The following KCTD1 variants were observed in gnomAD, a reference collection of about 807,000 sequenced individuals.
KCTD1 encodes the protein potassium channel tetramerization domain containing 1.
KCTD1 carries 24 observed loss-of-function variants against 66.0 expected under a neutral mutation model. The ratio of observed to expected loss-of-function variants is 0.36; its 90% CI spans 0.26 to 0.51. The LOEUF is 0.51. Among genes scored for constraint, KCTD1 ranks in the 20% least tolerant of loss-of-function variants. The pLI is 0.95. For missense variants in KCTD1, 943 were observed against 1,205.2 expected (o/e 0.78, Z 3.22); for synonymous variants, 511 against 517.2 (o/e 0.99, Z 0.16).
At chr18:26,610,127 T>C (rs2144990329) in intron 1 of KCTD1, among the ~76,000 whole-genome samples, 2 of 152,362 alleles carry the variant, frequency 1.3e-5, no homozygotes, top group Middle Eastern at 6.8e-3. Flanking sequence ...TCTGTCCCTA[T>C]CTATCTTGTA....
intron 1 of KCTD1, among the ~76,000 whole-genome samples, chr18:26,577,731 T>G (rs112355111): frequency 0.028 from 4,207 of 151,904 alleles, 87 homozygotes; most frequent in African/African-American, 0.069. Context: ...TAGTGTTTTT[T>G]TTTGTTTGTT....
intron 1 of KCTD1, among the ~76,000 whole-genome samples, chr18:26,537,448 T>C (rs1185340953): frequency 6.6e-6 from 1 of 152,228 alleles, no homozygotes; most frequent in African/African-American, 2.4e-5. Context: ...AATAAATCCC[T>C]GCACTGTCAC....
intron 1 of KCTD1, among the ~76,000 whole-genome samples, chr18:26,596,038 CTT>C (rs980291374): frequency 1.1e-4 from 17 of 152,284 alleles, no homozygotes; most frequent in African/African-American, 4.1e-4. Context: ...CAGTGTGAGA[CTT>C]TGTCTCAAAA....
intron 1 of KCTD1, among the ~76,000 whole-genome samples, chr18:26,653,084 A>G (rs932665603): frequency 6.6e-6 from 1 of 152,152 alleles, no homozygotes; most frequent in African/African-American, 2.4e-5. Context: ...TCCAAGGGCT[A>G]TGCTTCATCC....
chr18:26,601,326 T>TAAAAA (rs61521451), intron 1 of KCTD1, among the ~76,000 whole-genome samples: 1,755 of 93,128 alleles, frequency 0.019, 54 homozygotes, highest in African/African-American at 0.022. Context: ...TGTTCATTGG[T>TAAAAA]AAAAAAAAAA....
At chr18:26,544,527 C>A (rs976105294) in intron 1 of KCTD1, 2 of 152,162 alleles carry the variant, frequency 1.3e-5, no homozygotes, top group African/African-American at 2.4e-5. Context: ...CAGTATTAGG[C>A]TAGAGAGCCT....
chr18:26,578,599 C>T (rs1156713703), intron 1 of KCTD1, among the ~76,000 whole-genome samples: 1 of 152,134 alleles, frequency 6.6e-6, no homozygotes, highest in African/African-American at 2.4e-5. Flanking sequence ...TTGGCCATAC[C>T]TGTGGATTCT....
intron 1 of KCTD1, among the ~76,000 whole-genome samples, chr18:26,524,907 G>C (rs376047653): frequency 6.6e-6 from 1 of 152,138 alleles, no homozygotes; most frequent in South Asian, 2.1e-4. Context: ...TTAGAGGCAC[G>C]ACTTTTAGTT....
chr18:26,533,867 G>A (rs557433093), intron 1 of KCTD1, among the ~76,000 whole-genome samples: 9 of 147,654 alleles, frequency 6.1e-5, no homozygotes, highest in South Asian at 2.1e-4. Flanking sequence ...TGGAATTTGC[G>A]ATTTATCATC....
upstream of KCTD1, chr18:26,548,974 T>C (rs1168332493): frequency 4.1e-6 from 4 of 985,070 alleles, no homozygotes; most frequent in Admixed American, 6.2e-5. Flanking sequence ...CTCTAAGTAA[T>C]GCCCGAGGAG....
intron 1 of KCTD1, among the ~76,000 whole-genome samples, chr18:26,638,363 T>C (rs1987766459): frequency 6.6e-6 from 1 of 152,110 alleles, no homozygotes; most frequent in East Asian, 1.9e-4. Flanking sequence ...AGTCTTAAAA[T>C]ACAACTGCAA....
At chr18:26,647,833 T>G (rs939492873) in intron 1 of KCTD1, among the ~76,000 whole-genome samples, 22 of 151,450 alleles carry the variant, frequency 1.5e-4, no homozygotes, top group East Asian at 1.4e-3. Context: ...TAGATCTTTT[T>G]TTTTGTTTTG....
chr18:26,465,377 C>CCCGGCCCATTCTTTCT (rs1202432455), intron 3 of KCTD1, among the ~76,000 whole-genome samples: 1 of 152,228 alleles, frequency 6.6e-6, no homozygotes, highest in Non-Finnish European at 1.5e-5. Context: ...AGCCACCGTG[C>CCCGGCCCATTCTTTCT]CCGGCCCATT....
At chr18:26,469,444 G>A (rs1184310815) in intron 3 of KCTD1, among the ~76,000 whole-genome samples, 1 of 152,152 alleles carries the variant, frequency 6.6e-6, no homozygotes, top group Non-Finnish European at 1.5e-5. Context: ...TGCCTGCTAT[G>A]TAGGTTTATG....
At chr18:26,458,496 C>A (rs1015102874) in intron 4 of KCTD1, 1 of 152,156 alleles carries the variant, frequency 6.6e-6, no homozygotes, top group African/African-American at 2.4e-5. Context: ...GAATCGAGAC[C>A]CAGGTGTGCC....
intron 1 of KCTD1, chr18:26,544,139 A>G (rs1381746330): frequency 2.6e-5 from 4 of 152,206 alleles, no homozygotes; most frequent in Non-Finnish European, 4.4e-5. Context: ...AAGGGAACTA[A>G]AACTACACTT....
At chr18:26,603,194 C>A (rs1986936119) in intron 1 of KCTD1, among the ~76,000 whole-genome samples, 1 of 152,102 alleles carries the variant, frequency 6.6e-6, no homozygotes, top group Admixed American at 6.5e-5. Flanking sequence ...TTTTGGGAGG[C>A]TGAGGCAGGT....
At chr18:26,647,338 C>CCG (rs1555649534) in intron 1 of KCTD1, among the ~76,000 whole-genome samples, 9 of 149,450 alleles carry the variant, frequency 6.0e-5, no homozygotes, top group South Asian at 2.2e-4. Context: ...GAAACCCCCC[C>CCG]CCCATCTCTA....
Position 26,548,043 on chromosome 18 carries a change from C to T in KCTD1, c.494G>A (p.Arg165Gln). The change falls in exon 1 of 5, where the codon CGG (arginine) becomes CAG (glutamine). Residue 165 changes from arginine to glutamine, a missense_variant. Physicochemically the swap from Arg to Gln is conservative, Grantham distance 43. This residue lies in a region of KCTD1 where 96 missense variants were observed against 132.5 expected (regional missense o/e 0.72). Coordinates refer to ENST00000580059, the MANE Select transcript of KCTD1 (RefSeq NM_001142730.3). ...CCGGGTGTTCTCGCTCAGCCGGGCC[C>T]GCTCGGGGCGCTGCAGCACGTCGGG... ...LDPDVLQRPE[R>Q]ARLSENTRLA... is the part of the protein sequence containing the mutation. 2 of 1,508,206 alleles carry T rather than the reference C, an allele frequency of 1.3e-6. No homozygotes were observed. Among genetic ancestry groups the T allele is most frequent in the Non-Finnish European group, 1.8e-6 (2 of 1,130,442 alleles). The allele number at this position is 1,508,206 out of a possible 1,614,324, so 93.4% of individuals were successfully genotyped here.
Sources: gnomAD v4.1 joint callset for allele counts (sites outside exome capture counted in the v4.1 genomes callset) on GRCh38, gnomAD v4.1.1 for gene constraint, gnomAD v4.1.1 regional missense constraint, MANE v1.5 for transcripts, NCBI Gene and HGNC (gene_info 2026-07-23, HGNC 2026-07-21) for gene names.